The following TANC2 variants were observed in gnomAD, a reference collection of about 807,000 sequenced individuals.
TANC2 encodes the protein protein TANC2.
TANC2 carries 26 observed loss-of-function variants against 210.5 expected under a neutral mutation model. The ratio of observed to expected loss-of-function variants is 0.12; its 90% CI spans 0.09 to 0.17. The LOEUF is 0.17. Ranked by LOEUF, TANC2 falls within the 10% of genes least tolerant of loss-of-function variation. The pLI is 1.00. For synonymous variants in TANC2, 931 were observed against 967.1 expected, an observed-to-expected ratio of 0.96 and a Z score of 0.69; for missense variants, 2,129 against 2,608.9, an observed-to-expected ratio of 0.82 and a Z score of 4.01.
chr17:63,373,510 G>A (rs980293367), intron 14 of TANC2, among the ~76,000 whole-genome samples: 13 of 152,106 alleles, frequency 8.5e-5, no homozygotes, highest in Non-Finnish European at 1.9e-4. Context: ...CTAGGTTTCA[G>A]TAGAACTAGA....
intron 4 of TANC2, among the ~76,000 whole-genome samples, chr17:63,146,155 TTTG>T (rs1277986744): frequency 1.3e-5 from 2 of 152,162 alleles, no homozygotes; most frequent in African/African-American, 2.4e-5. Flanking sequence ...ATTTTATTTT[TTTG>T]TTGTTGCTAT....
intron 7 of TANC2, among the ~76,000 whole-genome samples, chr17:63,234,338 G>A (rs547360441): frequency 1.6e-4 from 25 of 152,218 alleles, no homozygotes; most frequent in Admixed American, 3.3e-4. Flanking sequence ...TTCCCTAAAA[G>A]TAGGCAGTTT....
intron 3 of TANC2, chr17:63,088,444 A>G (rs1013348970): frequency 6.6e-6 from 1 of 152,200 alleles, no homozygotes; most frequent in Non-Finnish European, 1.5e-5. Flanking sequence ...CATGTTCAGT[A>G]ATATTAAAGT....
intron 9 of TANC2, among the ~76,000 whole-genome samples, chr17:63,306,946 CTT>C (rs2044932299): frequency 6.6e-6 from 1 of 151,956 alleles, no homozygotes; most frequent in Non-Finnish European, 1.5e-5. Flanking sequence ...GACCATGTCT[CTT>C]AAAAAAAAAT....
intron 4 of TANC2, among the ~76,000 whole-genome samples, chr17:63,106,426 A>T (rs2037825036): frequency 6.6e-6 from 1 of 151,604 alleles, no homozygotes; most frequent in South Asian, 2.1e-4. Context: ...ATGGAAAATT[A>T]TTAAGAGGAA....
chr17:63,294,338 A>G (rs1403440024), intron 9 of TANC2, among the ~76,000 whole-genome samples: 1 of 152,120 alleles, frequency 6.6e-6, no homozygotes, highest in Non-Finnish European at 1.5e-5. Context: ...TTAGCCCGGC[A>G]TGGTGGCATG....
At chr17:63,005,646 A>G (rs1052796679) in intron 1 of TANC2, among the ~76,000 whole-genome samples, 1 of 152,004 alleles carries the variant, frequency 6.6e-6, no homozygotes, top group African/African-American at 2.4e-5. Context: ...GTTAAGCAAC[A>G]TTGTAGAGTT....
At chr17:62,968,265 ATTAT>A (rs752084439) in intron 1 of TANC2, among the ~76,000 whole-genome samples, 13 of 152,324 alleles carry the variant, frequency 8.5e-5, no homozygotes, top group Non-Finnish European at 1.6e-4. Flanking sequence ...AATGTACTTA[ATTAT>A]TGATGAGATT....
chr17:63,314,313 C>G, intron 9 of TANC2, 75 bp from the exon 10 acceptor site: 1 of 1,543,030 alleles, frequency 6.5e-7, no homozygotes, highest in Admixed American at 1.8e-5. Context: ...CTAAACCACA[C>G]TGCATTTTTT....
intron 4 of TANC2, among the ~76,000 whole-genome samples, chr17:63,129,862 A>G (rs896857694): frequency 1.3e-5 from 2 of 152,156 alleles, no homozygotes; most frequent in African/African-American, 4.8e-5. Flanking sequence ...TAGACATTCA[A>G]AACTTTTAAG....
At chr17:63,419,384 A>C (rs1224709747) in intron 27 of TANC2, among the ~76,000 whole-genome samples, 1 of 152,150 alleles carries the variant, frequency 6.6e-6, no homozygotes, top group Non-Finnish European at 1.5e-5. Flanking sequence ...CTTCATTTGT[A>C]AATTAGAGTC....
intron 7 of TANC2, among the ~76,000 whole-genome samples, chr17:63,212,336 C>T (rs2041912332): frequency 6.6e-6 from 1 of 152,114 alleles, no homozygotes; most frequent in Admixed American, 6.6e-5. Flanking sequence ...TCCTGCTGAG[C>T]TTCTTCCTGT....
chr17:63,196,894 A>G (rs901724573), intron 6 of TANC2, among the ~76,000 whole-genome samples: 11 of 152,296 alleles, frequency 7.2e-5, no homozygotes, highest in Middle Eastern at 3.4e-3. Flanking sequence ...AGATATGGAA[A>G]CACACTGCCA....
intron 1 of TANC2, among the ~76,000 whole-genome samples, chr17:62,972,480 G>A (rs1391043163): frequency 6.6e-6 from 1 of 152,150 alleles, no homozygotes; most frequent in Non-Finnish European, 1.5e-5. Context: ...AAACTGAGTA[G>A]TTGCATTATA....
intron 5 of TANC2, among the ~76,000 whole-genome samples, chr17:63,188,679 T>G (rs1342685314): frequency 2.0e-5 from 3 of 152,142 alleles, no homozygotes; most frequent in African/African-American, 4.8e-5. Context: ...TAACTCACTG[T>G]GGTTATGTAA....
At chr17:63,362,741 G>T (rs531361544) in intron 14 of TANC2, among the ~76,000 whole-genome samples, 3 of 152,324 alleles carry the variant, frequency 2.0e-5, no homozygotes, top group Non-Finnish European at 2.9e-5. Context: ...TGGGCACTGG[G>T]AACAGGGAGA....
intron 2 of TANC2, among the ~76,000 whole-genome samples, chr17:63,009,993 T>C (rs2033794509): frequency 6.6e-6 from 1 of 152,156 alleles, no homozygotes; most frequent in Admixed American, 6.6e-5. Context: ...ATAACTGTCC[T>C]CAAAGATTTA....
At chr17:63,210,416 C>T (rs958170428) in intron 7 of TANC2, among the ~76,000 whole-genome samples, 10 of 152,052 alleles carry the variant, frequency 6.6e-5, no homozygotes, top group African/African-American at 2.2e-4. Context: ...TCTGGATTTC[C>T]GCACTATCTA....
chr17:63,356,129 A>C (rs1205601620), intron 14 of TANC2, among the ~76,000 whole-genome samples: 1 of 151,892 alleles, frequency 6.6e-6, no homozygotes, highest in Non-Finnish European at 1.5e-5. Flanking sequence ...TTACCCCAGC[A>C]CTCTTTCCCA....
Sources: allele counts gnomAD v4.1 joint callset (sites outside exome capture counted in the v4.1 genomes callset), GRCh38; gene constraint gnomAD v4.1.1; transcripts MANE v1.5; gene names NCBI Gene and HGNC (gene_info 2026-07-23, HGNC 2026-07-21).